CUX2: variants seen among roughly 807,000 people sequenced by gnomAD.
CUX2 encodes the protein homeobox protein cut-like 2.
In CUX2, 40 loss-of-function variants were observed where a neutral mutation model predicts 144.8. The ratio of observed to expected loss-of-function variants is 0.28; its 90% CI spans 0.21 to 0.36. CUX2 has a LOEUF of 0.36. CUX2 is among the 10% of genes least tolerant of loss of function. CUX2 has a pLI of 1.00. For synonymous variants in CUX2, 827 were observed against 875.6 expected (o/e 0.94, Z 0.98); for missense variants, 1,615 against 1,994.0 (o/e 0.81, Z 3.62).
At chr12:111,208,052 G>A (rs568843084) in intron 1 of CUX2, among the ~76,000 whole-genome samples, 1 of 152,088 alleles carries the variant, frequency 6.6e-6, no homozygotes, top group Non-Finnish European at 1.5e-5. Context: ...GGGGAAGTGG[G>A]AGGGACCCAG....
At chr12:111,082,904 C>A (rs1378799086) in intron 1 of CUX2, among the ~76,000 whole-genome samples, 2 of 151,990 alleles carry the variant, frequency 1.3e-5, no homozygotes, top group Non-Finnish European at 2.9e-5. Flanking sequence ...GCTTGGTGGG[C>A]CATGGGGAGC....
At chr12:111,079,044 G>A (rs1233724037) in intron 1 of CUX2, among the ~76,000 whole-genome samples, 2 of 152,230 alleles carry the variant, frequency 1.3e-5, no homozygotes, top group Non-Finnish European at 2.9e-5. Flanking sequence ...TCTATGGACT[G>A]GGAAGAGCTG....
intron 1 of CUX2, among the ~76,000 whole-genome samples, chr12:111,075,908 A>G (rs1393920802): frequency 2.6e-5 from 4 of 152,158 alleles, no homozygotes; most frequent in East Asian, 1.9e-4. Flanking sequence ...TGATGATGAT[A>G]ATAACCAGCC....
chr12:111,137,352 T>A (rs138892539), intron 1 of CUX2, among the ~76,000 whole-genome samples: 1 of 150,004 alleles, frequency 6.7e-6, no homozygotes, highest in African/African-American at 2.5e-5. Context: ...TCTGCTGATG[T>A]TGTTGTTGTT....
chr12:111,309,028 C>T (rs1333478668), intron 14 of CUX2, among the ~76,000 whole-genome samples: 1 of 152,160 alleles, frequency 6.6e-6, no homozygotes, highest in African/African-American at 2.4e-5. Flanking sequence ...CCTCGGCCTC[C>T]TGAGTAGCTG....
chr12:111,236,725 A>G (rs1228637514), intron 3 of CUX2, among the ~76,000 whole-genome samples: 1 of 152,272 alleles, frequency 6.6e-6, no homozygotes, highest in Admixed American at 6.5e-5. Context: ...TTTTATGTTC[A>G]ATATAATAGG....
At chr12:111,205,763 G>A (rs1880883603) in intron 1 of CUX2, among the ~76,000 whole-genome samples, 1 of 152,156 alleles carries the variant, frequency 6.6e-6, no homozygotes, top group African/African-American at 2.4e-5. Flanking sequence ...ATGCTAGTGA[G>A]GCATCAAAGC....
chr12:111,343,183 C>T (rs1449872478), intron 21 of CUX2, among the ~76,000 whole-genome samples: 2 of 151,832 alleles, frequency 1.3e-5, no homozygotes, highest in Non-Finnish European at 2.9e-5. Flanking sequence ...CCCCTGAAAC[C>T]GAAAGAAAAA....
At chr12:111,177,367 C>T (rs543594081) in intron 1 of CUX2, among the ~76,000 whole-genome samples, 63 of 152,064 alleles carry the variant, frequency 4.1e-4, no homozygotes, top group African/African-American at 1.5e-3. Context: ...GCTGGGGCTT[C>T]CTAGTTGCAG....
At chr12:111,291,392 A>T (rs976217334) in intron 4 of CUX2, 26 bp from the exon 5 acceptor site, 2 of 1,580,288 alleles carry the variant, frequency 1.3e-6, no homozygotes, top group African/African-American at 2.7e-5. Context: ...GGCCCTCACT[A>T]TCCCTGTCTT....
rs184074401 is a variant in CUX2 at position 111,335,253 on chromosome 12, C to T, written c.3196+543C>T. On this transcript the variant is annotated intron_variant, in intron 19 of 21. Transcript: ENST00000261726. ...TAAAAATACAAAAAAATTAACCAGG[C>T]GTGGTGGCACATGCCTGTAGTCCCA... Among the ~76,000 whole-genome samples the T allele has an allele frequency of 2.9e-3, 444 of 151,552 alleles. 1 individual carries two copies. The highest frequency in any genetic ancestry group is 0.01 in the African/African-American group (424 of 41,252).
chr12:111,311,205 C>T (rs926370430), intron 15 of CUX2, among the ~76,000 whole-genome samples: 1 of 152,210 alleles, frequency 6.6e-6, no homozygotes, highest in African/African-American at 2.4e-5. Context: ...ATTAAACGGG[C>T]ATCAAGCACT....
At chr12:111,108,804 G>A (rs549577434) in intron 1 of CUX2, among the ~76,000 whole-genome samples, 31 of 151,720 alleles carry the variant, frequency 2.0e-4, no homozygotes, top group Middle Eastern at 6.8e-3. Flanking sequence ...AAGAAATCAG[G>A]CTGTCCTGTA....
intron 3 of CUX2, among the ~76,000 whole-genome samples, chr12:111,224,755 T>G (rs537817557): frequency 1.3e-5 from 2 of 151,988 alleles, no homozygotes; most frequent in Admixed American, 6.5e-5. Flanking sequence ...TGCTGGCCGG[T>G]GAGGCCACCC....
At chr12:111,228,947 T>C (rs1882321069) in intron 3 of CUX2, among the ~76,000 whole-genome samples, 1 of 152,064 alleles carries the variant, frequency 6.6e-6, no homozygotes, top group Non-Finnish European at 1.5e-5. Context: ...TAAACCACCA[T>C]AGACAATCTT....
chr12:111,161,378 G>A, intron 1 of CUX2, among the ~76,000 whole-genome samples: 1 of 144,174 alleles, frequency 6.9e-6, no homozygotes. Flanking sequence ...CTCCCTGGAG[G>A]CTGGGACCAG....
chr12:111,300,505 C>T (rs933304), intron 9 of CUX2, among the ~76,000 whole-genome samples: 5,168 of 152,230 alleles, frequency 0.034, 235 homozygotes, highest in African/African-American at 0.099. Context: ...GAGCTCCTTC[C>T]GTATCAGTAT....
chr12:111,067,432 C>T (rs1389983523), intron 1 of CUX2, among the ~76,000 whole-genome samples: 2 of 152,198 alleles, frequency 1.3e-5, no homozygotes, highest in Admixed American at 1.3e-4. Flanking sequence ...GTGAAACCAG[C>T]CTGCAGGGAG....
At chr12:111,050,465 G>A (rs1437610094) in intron 1 of CUX2, among the ~76,000 whole-genome samples, 1 of 152,054 alleles carries the variant, frequency 6.6e-6, no homozygotes, top group African/African-American at 2.4e-5. Context: ...TTTCTTGAAT[G>A]TCTGTCTCAA....
Sources: gnomAD v4.1 joint callset for allele counts (sites outside exome capture counted in the v4.1 genomes callset) on GRCh38, gnomAD v4.1.1 for gene constraint, MANE v1.5 for transcripts, NCBI Gene and HGNC (gene_info 2026-07-23, HGNC 2026-07-21) for gene names.